Variants in RBFOX1 observed in about 807,000 individuals in gnomAD.
RBFOX1 encodes the protein RNA binding fox-1 homolog 1.
In RBFOX1, 8 loss-of-function variants were observed where a neutral mutation model predicts 57.7. The observed-to-expected ratio is 0.14, with a 90% CI of 0.08 to 0.25. RBFOX1 has a LOEUF of 0.25. Ranked by LOEUF, RBFOX1 falls within the 10% of genes least tolerant of loss-of-function variation. The pLI is 1.00. For synonymous variants in RBFOX1, 326 were observed against 222.4 expected (o/e 1.47, Z -4.15); for missense variants, 611 against 548.5 (o/e 1.11, Z -1.14).
Position 7,606,825 on chromosome 16 carries a change from T to C in RBFOX1, c.623-460T>C, listed in dbSNP as rs2095303412. On this transcript the variant is annotated intron_variant, in intron 9 of 15. Transcript: ENST00000550418. ...TGAAGCACTTTGGAATTCTCTAGTA[T>C]CTCGAGGTTATAATTTGGAATGACA... Among the ~76,000 whole-genome samples the C allele has an allele frequency of 2.0e-5, 3 of 152,310 alleles. No individual in the cohort carries two copies. The South Asian group carries it at 6.2e-4, about 32-fold the overall frequency.
At position 6,220,447 on chromosome 16, in the gene RBFOX1, G is replaced by A. The variant is rs950300090; in HGVS notation, c.-126-96548G>A. ...AAGAGAAAAGGAGGAATTATACTTG[G>A]TAATAGCTTTCATTTCTCCTAGATT... On this transcript the variant is annotated intron_variant, in intron 1 of 15. Transcript: ENST00000550418. Among the ~76,000 whole-genome samples, 16 of 152,182 alleles carry A rather than the reference G, an allele frequency of 1.1e-4. No homozygotes were observed. The East Asian group carries it at 2.1e-3, about 20-fold the overall frequency.
At chr16:5,322,037 C>G (rs2064424862) in intron 1 of RBFOX1, among the ~76,000 whole-genome samples, 1 of 152,122 alleles carries the variant, frequency 6.6e-6, no homozygotes, top group Non-Finnish European at 1.5e-5. Flanking sequence ...GATGAAGAAG[C>G]TGAGGCTTAG....
rs1598218367 is a variant in RBFOX1 at position 6,952,022 on chromosome 16, TGTG to T, written c.-15-100033_-15-100031del. Among the ~76,000 whole-genome samples, 3 of 152,160 alleles carry T rather than the reference TGTG, an allele frequency of 2.0e-5. No homozygotes were observed. In the East Asian group the frequency reaches 5.8e-4, roughly 29 times the overall value. On this transcript the variant is annotated intron_variant, in intron 3 of 15. Coordinates refer to ENST00000550418, the MANE Select transcript of RBFOX1 (RefSeq NM_018723.4). Reference sequence around the variant, plus strand: ...AAAGCATATTAACAGGAAAGATAATTGTGGCCACTGTTGAAAAAAGTGGTTTCT... The same window carrying T: ...AAAGCATATTAACAGGAAAGATAATTGCCACTGTTGAAAAAAGTGGTTTCT...
chr16:6,527,392 G>C (rs930387606), intron 2 of RBFOX1, among the ~76,000 whole-genome samples: 4 of 151,910 alleles, frequency 2.6e-5, no homozygotes, highest in Non-Finnish European at 2.9e-5. Flanking sequence ...TTCTGTACAG[G>C]CTACTTCGTC....
At chr16:6,886,592 A>G (rs781282093) in intron 3 of RBFOX1, among the ~76,000 whole-genome samples, 2 of 151,856 alleles carry the variant, frequency 1.3e-5, no homozygotes, top group Non-Finnish European at 2.9e-5. Context: ...GTCTCTACTA[A>G]AAATAGAAAA....
At chr16:7,254,473 G>C (rs2094599129) in intron 4 of RBFOX1, among the ~76,000 whole-genome samples, 1 of 150,740 alleles carries the variant, frequency 6.6e-6, no homozygotes, top group Admixed American at 6.6e-5. Flanking sequence ...GACTCCAAAT[G>C]TCATGTTCCT....
intron 3 of RBFOX1, among the ~76,000 whole-genome samples, chr16:6,688,796 C>T (rs907259719): frequency 6.6e-6 from 1 of 152,156 alleles, no homozygotes; most frequent in Non-Finnish European, 1.5e-5. Flanking sequence ...TAGCCCACCA[C>T]CTCCCGACAG....
At chr16:5,540,143 C>G (rs1050549422) in intron 2 of RBFOX1, among the ~76,000 whole-genome samples, 1 of 152,060 alleles carries the variant, frequency 6.6e-6, no homozygotes, top group Non-Finnish European at 1.5e-5. Flanking sequence ...GAAGCCGAAG[C>G]CTTTTGCAAA....
At chr16:7,140,354 T>C (rs562067986) in intron 4 of RBFOX1, among the ~76,000 whole-genome samples, 66 of 149,922 alleles carry the variant, frequency 4.4e-4, no homozygotes, top group African/African-American at 1.5e-3. Flanking sequence ...TTCCCCACTC[T>C]GAGTCTGTAT....
At chr16:7,034,389 A>G (rs1015534723) in intron 3 of RBFOX1, among the ~76,000 whole-genome samples, 12 of 152,174 alleles carry the variant, frequency 7.9e-5, no homozygotes, top group African/African-American at 2.9e-4. Flanking sequence ...GAGGTTGGAG[A>G]TCATCAATGC....
chr16:7,290,235 A>G (rs2095741290), intron 4 of RBFOX1, among the ~76,000 whole-genome samples: 1 of 152,232 alleles, frequency 6.6e-6, no homozygotes, highest in Non-Finnish European at 1.5e-5. Context: ...AAATGAGGCT[A>G]TTTTGATGAA....
intron 1 of RBFOX1, among the ~76,000 whole-genome samples, chr16:6,231,841 T>G (rs200427137): frequency 0.19 from 28,226 of 149,132 alleles, 3,169 homozygotes; most frequent in East Asian, 0.43. Context: ...GTTTTTTTTT[T>G]TTTTTTTTTT....
chr16:6,941,298 C>T (rs1208923630), intron 3 of RBFOX1, among the ~76,000 whole-genome samples: 1 of 84,382 alleles, frequency 1.2e-5, no homozygotes, highest in African/African-American at 6.4e-5. Flanking sequence ...TTCCCTCCCT[C>T]CCTCCTTCCT....
chr16:6,792,419 T>G (rs2083150663), intron 3 of RBFOX1, among the ~76,000 whole-genome samples: 2 of 152,224 alleles, frequency 1.3e-5, no homozygotes, highest in Non-Finnish European at 2.9e-5. Flanking sequence ...TAGGTAGATT[T>G]AAATATATAA....
intron 3 of RBFOX1, among the ~76,000 whole-genome samples, chr16:6,826,277 C>G (rs1476507883): frequency 6.6e-6 from 1 of 152,078 alleles, no homozygotes; most frequent in African/African-American, 2.4e-5. Flanking sequence ...TTTGGGGAGG[C>G]CGAAGCGAGA....
At chr16:7,498,627 G>A (rs2069519734) in intron 4 of RBFOX1, among the ~76,000 whole-genome samples, 1 of 152,166 alleles carries the variant, frequency 6.6e-6, no homozygotes, top group Admixed American at 6.6e-5. Context: ...AAAGAGATAT[G>A]TTGCATTCTT....
rs946259989 is a variant in RBFOX1 at position 6,804,603 on chromosome 16, A to G, written c.-16+149953A>G. 2.0e-5 allele frequency among the ~76,000 whole-genome samples: 3 copies of G among 152,324 alleles called. No individual in the cohort carries two copies. The South Asian group carries it at 6.2e-4, about 32-fold the overall frequency. On this transcript the variant is annotated intron_variant, in intron 3 of 15. Transcript: ENST00000550418. ...AGGAAGATTGATTGGATTAATATCAAGTTTCACAATGTGTTCTTTCATTAG... is the reference window on the plus strand; with the variant it reads ...AGGAAGATTGATTGGATTAATATCAGGTTTCACAATGTGTTCTTTCATTAG...
chr16:5,290,279 T>A (rs1474824125), intron 1 of RBFOX1, among the ~76,000 whole-genome samples: 1 of 152,162 alleles, frequency 6.6e-6, no homozygotes, highest in Non-Finnish European at 1.5e-5. Flanking sequence ...GGAGAATTGC[T>A]TGAACCCGGG....
At chr16:5,507,629 C>T (rs2043423508) in intron 2 of RBFOX1, among the ~76,000 whole-genome samples, 1 of 152,182 alleles carries the variant, frequency 6.6e-6, no homozygotes, top group Non-Finnish European at 1.5e-5. Flanking sequence ...GAAATAGGGT[C>T]TTTGCAGTAT....
Sources: gnomAD v4.1 joint callset for allele counts (sites outside exome capture counted in the v4.1 genomes callset) on GRCh38, gnomAD v4.1.1 for gene constraint, MANE v1.5 for transcripts, NCBI Gene and HGNC (gene_info 2026-07-23, HGNC 2026-07-21) for gene names.